PABIR3: variants seen among roughly 807,000 people sequenced by gnomAD.
The protein encoded by PABIR3 is PABIR family member 3, also known as PABIR family member 1.
In PABIR3, 20 loss-of-function variants were observed where a neutral mutation model predicts 23.1. The ratio of observed to expected loss-of-function variants is 0.86; its 90% confidence interval spans 0.61 to 1.26. The LOEUF is 1.26. Among genes scored for constraint, PABIR3 ranks in the 50% most tolerant of loss-of-function variants. PABIR3 has a pLI of 0.00. For missense variants in PABIR3, 189 were observed against 195.4 expected (o/e 0.97, Z 0.20); for synonymous variants, 69 against 68.5 (o/e 1.01, Z -0.04).
At chrX:134,805,927 C>T (rs1382326400), upstream of PABIR3, among the ~76,000 whole-genome samples, 2 of 111,476 alleles carry the variant, frequency 1.8e-5, no homozygotes, top group East Asian at 5.6e-4. Context: ...CCGTAAAGTG[C>T]TATACCAGTG....
intron 2 of PABIR3, among the ~76,000 whole-genome samples, chrX:134,808,502 T>G (rs1279137526): frequency 8.9e-6 from 1 of 112,151 alleles, no homozygotes; most frequent in Non-Finnish European, 1.9e-5. Flanking sequence ...TGACTCAGCC[T>G]CCCAAGTAGC....
At chrX:134,842,590 A>G (rs2082272260) in intron 4 of PABIR3, among the ~76,000 whole-genome samples, 1 of 109,907 alleles carries the variant, frequency 9.1e-6, no homozygotes, top group Admixed American at 9.7e-5. Context: ...CCTAGGCAAC[A>G]GAGCGAGACT....
Position 134,852,899 on chromosome X carries a change from G to A in PABIR3, c.686+3G>A, listed in dbSNP as rs1432347297. On this transcript the variant is annotated splice_donor_region_variant and intron_variant, in intron 10 of 10. Coordinates refer to ENST00000645433, the MANE Select transcript of PABIR3 (RefSeq NM_001388447.1). ...CAACTGTCAGAAAATAATGTGTAGT[G>A]AGTATTAACATGAGATTTTAAACAT... is the stretch of plus-strand genomic sequence containing the variant. 2 of 1,095,402 alleles carry A rather than the reference G, an allele frequency of 1.8e-6. No individual in the cohort carries two copies. The highest frequency in any genetic ancestry group is 2.4e-6 in the Non-Finnish European group (2 of 832,200). 90.3% of individuals were successfully genotyped at this position (1,095,402 alleles called of 1,213,427 possible).
At chrX:134,853,047 C>T (rs1603250378) in intron 10 of PABIR3, among the ~76,000 whole-genome samples, 151 bp downstream of exon 10, 1 of 111,469 alleles carries the variant, frequency 9.0e-6, no homozygotes, top group African/African-American at 3.3e-5. Context: ...ATACTATAAA[C>T]CTGAGTTATT....
At chrX:134,824,821 GAAAAAA>G (rs1029314079) in intron 3 of PABIR3, among the ~76,000 whole-genome samples, 1 of 110,714 alleles carries the variant, frequency 9.0e-6, no homozygotes, top group South Asian at 3.7e-4. Flanking sequence ...AAAGAAAAAA[GAAAAAA>G]AATAAAAGAT....
rs760602908 is a variant in PABIR3 at position 134,807,685 on chromosome X, T to C, written c.87T>C (p.Ser29=). 8.3e-7 allele frequency: 1 copy of C among 1,200,083 alleles called. No individual in the cohort carries two copies. Among genetic ancestry groups the C allele is most frequent in the African/African-American group, 1.7e-5 (1 of 57,567 alleles). ...GCAACATTCTGAGAAGAGTCAACAGTGCCCCTTTGATCAATGGACTTGGGT... is the reference window on the plus strand; with the variant it reads ...GCAACATTCTGAGAAGAGTCAACAGCGCCCCTTTGATCAATGGACTTGGGT... ...ADGNILRRVN[S]APLINGLGFN... is the part of the protein sequence containing the mutation. The change falls in exon 2 of 11, where the codon AGT becomes AGC. Residue 29 remains serine (S), a synonymous_variant. Coordinates refer to ENST00000645433, the MANE Select transcript of PABIR3 (RefSeq NM_001388447.1).
intron 3 of PABIR3, among the ~76,000 whole-genome samples, chrX:134,816,628 T>A (rs923016600): frequency 9.0e-6 from 1 of 111,517 alleles, no homozygotes; most frequent in Non-Finnish European, 1.9e-5. Context: ...GGCCTGGTGT[T>A]GATTCTTTAA....
At chrX:134,808,869 T>A in intron 2 of PABIR3, among the ~76,000 whole-genome samples, 1 of 111,939 alleles carries the variant, frequency 8.9e-6, no homozygotes, top group East Asian at 2.8e-4. Flanking sequence ...AAGCTTGATC[T>A]CCTAAATTAC....
intron 2 of PABIR3, chrX:134,810,135 G>A (rs1028097041): frequency 1.3e-6 from 1 of 752,127 alleles, no homozygotes; most frequent in Non-Finnish European, 1.6e-6. Context: ...GCAAATAGAC[G>A]ATGGAAGATG....
intron 3 of PABIR3, chrX:134,822,252 A>G: frequency 2.7e-6 from 2 of 750,852 alleles, no homozygotes; most frequent in East Asian, 3.0e-4. Flanking sequence ...CATTATTTCT[A>G]TTTTAATACT....
At chrX:134,840,036 A>T (rs2082168763) in intron 4 of PABIR3, among the ~76,000 whole-genome samples, 1 of 112,262 alleles carries the variant, frequency 8.9e-6, no homozygotes, top group South Asian at 3.6e-4. Context: ...CTGCCTTGGG[A>T]TCCTGTAGAT....
In PABIR3 at chrX:134,847,517, T is replaced by C. The variant is rs760731804; in HGVS notation, c.438+42T>C. 19 of 967,100 alleles carry C rather than the reference T, an allele frequency of 2.0e-5. No homozygotes were observed. The Admixed American group carries it at 4.2e-4, about 22-fold the overall frequency. 79.7% of individuals were successfully genotyped at this position (967,100 alleles called of 1,213,427 possible). On this transcript the variant is annotated intron_variant, in intron 7 of 10. Transcript: ENST00000645433. ...TAAAAGTCTATGTCTCTTGAAATAG[T>C]TAGGAAATATTTAGGAACATTAATG...
intron 2 of PABIR3, chrX:134,809,915 AT>A (rs771937701): frequency 3.2e-5 from 24 of 752,389 alleles, no homozygotes; most frequent in Non-Finnish European, 3.6e-5. Flanking sequence ...CCAAAAAAAA[AT>A]ACATTACCTT....
At chrX:134,860,066 G>A in the PABIR3 span, among the ~76,000 whole-genome samples, 7 of 110,281 alleles carry the variant, frequency 6.3e-5, no homozygotes, top group Non-Finnish European at 9.5e-5. Context: ...GTAGGGCTGT[G>A]AAGGAAGAAG....
chrX:134,836,381 T>C (rs1025303898), intron 4 of PABIR3, among the ~76,000 whole-genome samples: 1 of 112,918 alleles, frequency 8.9e-6, no homozygotes, highest in Admixed American at 9.4e-5. Context: ...AAACAGTTTG[T>C]ATATTTGCTC....
chrX:134,858,790 G>T (rs138027278), downstream of PABIR3, among the ~76,000 whole-genome samples: 1,157 of 111,579 alleles, frequency 0.01, 16 homozygotes, highest in African/African-American at 0.035. Flanking sequence ...AAACAAGATT[G>T]ATTTCCACAA....
intron 3 of PABIR3, among the ~76,000 whole-genome samples, chrX:134,827,960 G>A (rs1229660237): frequency 9.8e-6 from 1 of 101,768 alleles, no homozygotes; most frequent in East Asian, 3.2e-4. Context: ...ACTTGCTCAA[G>A]GACAGGAAAA....
chrX:134,821,941 TC>T (rs1257195930), intron 3 of PABIR3: 1 of 762,262 alleles, frequency 1.3e-6, no homozygotes, highest in East Asian at 1.3e-4. Context: ...TTTTTAAAAA[TC>T]TTAATGTCTT....
chrX:134,802,194 C>A (rs781610015), upstream of PABIR3, among the ~76,000 whole-genome samples: 8 of 111,585 alleles, frequency 7.2e-5, no homozygotes, highest in Non-Finnish European at 1.3e-4. Context: ...AGCGATTCTC[C>A]TGTGTCAGCC....
Sources: allele counts gnomAD v4.1 joint callset (sites outside exome capture counted in the v4.1 genomes callset), GRCh38; gene constraint gnomAD v4.1.1; transcripts MANE v1.5; gene names NCBI Gene and HGNC (gene_info 2026-07-23, HGNC 2026-07-21).